The following STAU2 variants were observed in gnomAD, a reference collection of about 807,000 sequenced individuals.
The protein encoded by STAU2 is staufen double-stranded RNA binding protein 2, also known as double-stranded RNA-binding protein Staufen homolog 2.
STAU2 carries 20 observed loss-of-function variants against 65.9 expected under a neutral mutation model. The observed-to-expected ratio is 0.30, with a 90% CI of 0.21 to 0.44. STAU2 has a LOEUF of 0.44. Among genes scored for constraint, STAU2 ranks in the 20% least tolerant of loss-of-function variants. The pLI, the probability that STAU2 is intolerant of heterozygous loss-of-function variation, is 1.00. For missense variants in STAU2, 558 were observed against 683.9 expected (o/e 0.82, Z 2.05); for synonymous variants, 232 against 233.9 (o/e 0.99, Z 0.07).
chr8:73,468,456 G>T (rs1394686571), intron 13 of STAU2, among the ~76,000 whole-genome samples: 1 of 152,092 alleles, frequency 6.6e-6, no homozygotes, highest in African/African-American at 2.4e-5. Flanking sequence ...TTGACAAATG[G>T]GATCTAATTA....
chr8:73,573,616 G>A (rs1287093862), intron 12 of STAU2, among the ~76,000 whole-genome samples: 1 of 152,178 alleles, frequency 6.6e-6, no homozygotes, highest in Admixed American at 6.5e-5. Flanking sequence ...ATAACCATCT[G>A]ATCTTTGACA....
intron 13 of STAU2, among the ~76,000 whole-genome samples, chr8:73,459,865 T>C (rs1247011772): frequency 3.9e-5 from 6 of 152,230 alleles, no homozygotes; most frequent in Non-Finnish European, 5.9e-5. Flanking sequence ...ATGCAGCCAC[T>C]GTCTCTGGAA....
chr8:73,615,660 C>G lies in STAU2; in HGVS notation c.678+15G>C, dbSNP rs780859250. 1 of 1,598,608 alleles carries G rather than the reference C, an allele frequency of 6.3e-7. No homozygotes were observed. The highest frequency in any genetic ancestry group is 1.1e-5 in the South Asian group (1 of 90,342). ...AGCAAGGGAAAAAATGGGAAGATCT[C>G]TACCGAGTACATACCTCAAAACTGA... On this transcript the variant is annotated intron_variant, in intron 8 of 14. Coordinates refer to ENST00000524300, the MANE Select transcript of STAU2 (RefSeq NM_001164380.2).
intron 6 of STAU2, among the ~76,000 whole-genome samples, chr8:73,669,637 T>TTCTCTCTCTC (rs34037884): frequency 0.025 from 3,469 of 141,286 alleles, 56 homozygotes; most frequent in Non-Finnish European, 0.039. Flanking sequence ...GAGCCTGGAA[T>TTCTCTCTCTC]TCTCTCTCTC....
chr8:73,543,571 T>C (rs895663434), intron 13 of STAU2, among the ~76,000 whole-genome samples: 1 of 152,170 alleles, frequency 6.6e-6, no homozygotes, highest in Non-Finnish European at 1.5e-5. Flanking sequence ...CATTTGAATT[T>C]ATTGTATGTG....
At chr8:73,678,397 G>A (rs979179856) in intron 5 of STAU2, among the ~76,000 whole-genome samples, 1 of 151,970 alleles carries the variant, frequency 6.6e-6, no homozygotes, top group African/African-American at 2.4e-5. Context: ...CCATTGTCCA[G>A]ATTCCTACTT....
At chr8:73,517,811 A>G (rs931631758) in intron 13 of STAU2, among the ~76,000 whole-genome samples, 1 of 152,168 alleles carries the variant, frequency 6.6e-6, no homozygotes, top group Admixed American at 6.6e-5. Context: ...TTATAGCTCA[A>G]ATTAATAAGT....
rs1288283553 is a variant in STAU2, at chr8:73,523,324, G to C, written c.1530+28688C>G. 2.0e-5 allele frequency among the ~76,000 whole-genome samples: 3 copies of C among 151,712 alleles called. No homozygotes were observed. The East Asian group carries it at 5.8e-4, about 29-fold the overall frequency. On this transcript the variant is annotated intron_variant, in intron 13 of 14. Coordinates refer to ENST00000524300, the MANE Select transcript of STAU2 (RefSeq NM_001164380.2). The stretch of plus-strand genomic sequence containing the variant: ...TTCCAAGGTGGAGCCAACACACCAA[G>C]AGAGCACAGGAGAGGCAAGAGGATG...
At chr8:73,610,191 C>G (rs530720277) in intron 9 of STAU2, among the ~76,000 whole-genome samples, 22 of 151,284 alleles carry the variant, frequency 1.5e-4, no homozygotes, top group Admixed American at 1.4e-3. Flanking sequence ...GGGAGGATCA[C>G]TCGAGACCAG....
In STAU2 at chr8:73,607,155, C is replaced by A. The variant is rs1056421017; in HGVS notation, c.892-3292G>T. ...TACAAGTCACTCTATGTCAATTATA[C>A]CTCAATAAAGTTGTTTAAAGGAACT... On this transcript the variant is annotated intron_variant, in intron 9 of 14. Coordinates refer to ENST00000524300, the MANE Select transcript of STAU2 (RefSeq NM_001164380.2). Among the ~76,000 whole-genome samples the A allele has an allele frequency of 2.0e-5, 3 of 151,994 alleles. 1 individual carries two copies. The highest frequency in any genetic ancestry group is 2.0e-4 in the Admixed American group (3 of 15,264).
At chr8:73,448,932 G>A (rs1196261515) in intron 13 of STAU2, among the ~76,000 whole-genome samples, 2 of 152,266 alleles carry the variant, frequency 1.3e-5, no homozygotes, top group East Asian at 1.9e-4. Context: ...CGCGGACAGC[G>A]GGTACTCTGA....
intron 13 of STAU2, among the ~76,000 whole-genome samples, chr8:73,537,259 C>G (rs1806239827): frequency 6.6e-6 from 1 of 152,132 alleles, no homozygotes; most frequent in African/African-American, 2.4e-5. Flanking sequence ...AACATCTAAT[C>G]TGATGACTTG....
chr8:73,528,779 C>T (rs73326773), intron 13 of STAU2, among the ~76,000 whole-genome samples: 9,680 of 152,114 alleles, frequency 0.064, 799 homozygotes, highest in African/African-American at 0.2. Context: ...AGTTCCTTGT[C>T]TTGGTTTTTA....
At chr8:73,739,325 G>A (rs565507811) in intron 2 of STAU2, among the ~76,000 whole-genome samples, 2 of 151,436 alleles carry the variant, frequency 1.3e-5, no homozygotes, top group Non-Finnish European at 2.9e-5. Context: ...ATGGGATCTT[G>A]TAATGAAAAA....
At chr8:73,722,722 T>C (rs1362391150) in intron 3 of STAU2, among the ~76,000 whole-genome samples, 1 of 152,206 alleles carries the variant, frequency 6.6e-6, no homozygotes, top group Non-Finnish European at 1.5e-5. Flanking sequence ...ACAATTTGAT[T>C]ATAATGTACA....
At chr8:73,707,866 C>T (rs951111316) in intron 4 of STAU2, among the ~76,000 whole-genome samples, 6 of 151,064 alleles carry the variant, frequency 4.0e-5, no homozygotes, top group African/African-American at 1.5e-4. Flanking sequence ...GTTTCACAAA[C>T]GTGTGGAAGA....
chr8:73,730,759 A>C (rs1427068452), intron 3 of STAU2, among the ~76,000 whole-genome samples: 3 of 151,946 alleles, frequency 2.0e-5, no homozygotes, highest in Admixed American at 2.0e-4. Context: ...GACAAAAAAA[A>C]AAGAATACAT....
At chr8:73,540,495 TTTATGTAACCAA>T (rs1806472145) in intron 13 of STAU2, among the ~76,000 whole-genome samples, 1 of 152,242 alleles carries the variant, frequency 6.6e-6, no homozygotes, top group African/African-American at 2.4e-5. Context: ...CCATTGTGTT[TTTATGTAACCAA>T]TTATGTAATG....
intron 13 of STAU2, among the ~76,000 whole-genome samples, chr8:73,449,222 G>T (rs187074445): frequency 1.3e-5 from 2 of 152,334 alleles, no homozygotes; most frequent in East Asian, 3.9e-4. Flanking sequence ...GACCGCCACT[G>T]AATCAACAGC....
Sources: gnomAD v4.1 joint callset for allele counts (sites outside exome capture counted in the v4.1 genomes callset) on GRCh38, gnomAD v4.1.1 for gene constraint, MANE v1.5 for transcripts, NCBI Gene and HGNC (gene_info 2026-07-23, HGNC 2026-07-21) for gene names.